The following MAP2K4 variants were observed in gnomAD, a reference collection of about 807,000 sequenced individuals.
MAP2K4 encodes the protein dual specificity mitogen-activated protein kinase kinase 4.
MAP2K4 carries 4 observed loss-of-function variants against 48.5 expected under a neutral mutation model. The ratio of observed to expected loss-of-function variants is 0.08; its 90% confidence interval spans 0.04 to 0.19. MAP2K4 has a LOEUF of 0.19. Among genes scored for constraint, MAP2K4 ranks in the 10% least tolerant of loss-of-function variants. MAP2K4 has a pLI of 1.00. For missense variants in MAP2K4, 258 were observed against 493.3 expected (o/e 0.52, Z 4.52); for synonymous variants, 166 against 173.1 (o/e 0.96, Z 0.32).
intron 3 of MAP2K4, among the ~76,000 whole-genome samples, chr17:12,084,350 A>G (rs889939242): frequency 2.0e-5 from 3 of 152,190 alleles, no homozygotes; most frequent in South Asian, 4.1e-4. Flanking sequence ...AGATGTGAAC[A>G]TGGTTTACCC....
intron 3 of MAP2K4, among the ~76,000 whole-genome samples, chr17:12,085,289 C>G (rs1176361617): frequency 6.6e-6 from 1 of 152,052 alleles, no homozygotes; most frequent in Non-Finnish European, 1.5e-5. Context: ...AGGGTTAATA[C>G]TGTAATAAAG....
chr17:12,058,543 A>G (rs1035948020), intron 2 of MAP2K4, among the ~76,000 whole-genome samples: 1 of 151,906 alleles, frequency 6.6e-6, no homozygotes, highest in Non-Finnish European at 1.5e-5. Flanking sequence ...TTATTTTTAA[A>G]CCTTTTATTA....
At chr17:12,035,508 C>T (rs1272476913) in intron 1 of MAP2K4, among the ~76,000 whole-genome samples, 1 of 152,126 alleles carries the variant, frequency 6.6e-6, no homozygotes, top group Non-Finnish European at 1.5e-5. Flanking sequence ...AAGAACAAAA[C>T]TCCGTCTCAA....
rs561667728 is a variant in MAP2K4, at chr17:12,048,760, G to A, written c.116-6129G>A. Among the ~76,000 whole-genome samples, 5 of 152,172 alleles carry A rather than the reference G, an allele frequency of 3.3e-5. No individual in the cohort carries two copies. The East Asian group carries it at 7.7e-4, about 24-fold the overall frequency. ...AAACCTATACCTCCTGGGTTCAAGC[G>A]ATTCCATTGCCTCAGCCTCCCGAGT... On this transcript the variant is annotated intron_variant, in intron 1 of 10. Transcript: ENST00000353533.
chr17:12,073,575 G>A (rs1184739012), intron 2 of MAP2K4, among the ~76,000 whole-genome samples: 1 of 152,124 alleles, frequency 6.6e-6, no homozygotes, highest in Non-Finnish European at 1.5e-5. Context: ...GTAGAGTGCA[G>A]CCCAAGGATA....
At chr17:12,110,780 C>G in intron 6 of MAP2K4, 1 of 196,718 alleles carries the variant, frequency 5.1e-6, no homozygotes, top group Non-Finnish European at 1.0e-5. Context: ...AGGGATAGTA[C>G]CCTCAAGCAT....
At chr17:12,131,094 C>T (rs1298543429) in intron 9 of MAP2K4, among the ~76,000 whole-genome samples, 1 of 152,022 alleles carries the variant, frequency 6.6e-6, no homozygotes, top group African/African-American at 2.4e-5. Flanking sequence ...ATTTAAATTT[C>T]ATGATGGGGA....
chr17:12,130,521 A>C (rs1026522490), intron 9 of MAP2K4, among the ~76,000 whole-genome samples: 2 of 152,174 alleles, frequency 1.3e-5, no homozygotes, highest in African/African-American at 4.8e-5. Context: ...TGAACCTTCC[A>C]TCAGGGTTTC....
intron 2 of MAP2K4, among the ~76,000 whole-genome samples, chr17:12,071,001 T>C (rs1374203993): frequency 1.3e-5 from 2 of 152,234 alleles, no homozygotes; most frequent in African/African-American, 4.8e-5. Flanking sequence ...CCCCTTTCTT[T>C]CAGCTTCTGG....
chr17:12,021,466 C>T (rs1969049866), intron 1 of MAP2K4: 1 of 152,018 alleles, frequency 6.6e-6, no homozygotes, highest in Non-Finnish European at 1.5e-5. Context: ...GCCCCTCGGC[C>T]CCGCCGCCGC....
rs1432379329 is a variant in MAP2K4 at position 12,142,503 on chromosome 17, T to A, written c.*1243T>A. On this transcript the variant is annotated 3_prime_UTR_variant, in exon 11 of 11. Coordinates refer to ENST00000353533, the MANE Select transcript of MAP2K4 (RefSeq NM_003010.4). ...GATTTTTAGCCCCAAATCTCTCATATTCGCTAGTGTTTAAAAGGCTAAGAA... is the reference window on the plus strand; with the variant it reads ...GATTTTTAGCCCCAAATCTCTCATAATCGCTAGTGTTTAAAAGGCTAAGAA... The A allele has an allele frequency of 4.3e-6, 1 of 233,046 alleles. No homozygotes were observed. Among genetic ancestry groups the A allele is most frequent in the Non-Finnish European group, 8.5e-6 (1 of 117,898 alleles). The allele number at this position is 233,046 out of a possible 1,614,324, so 14.4% of individuals were successfully genotyped here. A position where few individuals can be genotyped will look rare whatever the true frequency, so the allele number is the denominator to read the frequency against.
chr17:12,060,589 T>G (rs896353598), intron 2 of MAP2K4, among the ~76,000 whole-genome samples: 2 of 152,318 alleles, frequency 1.3e-5, no homozygotes, highest in Admixed American at 6.5e-5. Flanking sequence ...TCTCTGAAAT[T>G]TTTTGAAGCA....
chr17:12,081,610 G>T lies in MAP2K4; in HGVS notation c.393+80G>T. On this transcript the variant is annotated intron_variant, in intron 3 of 10. Coordinates refer to ENST00000353533, the MANE Select transcript of MAP2K4 (RefSeq NM_003010.4). The surrounding 1 kb of genome is among the most constrained non-coding windows in gnomAD (Gnocchi z 4.2). ...GGTGCAGTAATACCACTGTTGTTGT[G>T]TTCCTACTTTTGTGGTAAATGTGGG... 4.3e-6 allele frequency: 6 copies of T among 1,408,142 alleles called. No homozygotes were observed. Among genetic ancestry groups the T allele is most frequent in the Non-Finnish European group, 5.9e-6 (6 of 1,021,696 alleles). 87.2% of individuals were successfully genotyped at this position (1,408,142 alleles called of 1,614,324 possible).
At chr17:12,065,258 ATATTATTAT>A (rs147921985) in intron 2 of MAP2K4, among the ~76,000 whole-genome samples, 12 of 136,214 alleles carry the variant, frequency 8.8e-5, no homozygotes, top group African/African-American at 1.4e-4. Context: ...ATATATACAT[ATATTATTAT>A]TATTATTATT....
intron 2 of MAP2K4, among the ~76,000 whole-genome samples, chr17:12,058,350 G>C (rs912991528): frequency 6.6e-6 from 1 of 151,658 alleles, no homozygotes; most frequent in Non-Finnish European, 1.5e-5. Context: ...CAGGCATGAG[G>C]TACTGCGCCT....
chr17:12,065,258 A>ATATTATTATTATTAT (rs147921985), intron 2 of MAP2K4, among the ~76,000 whole-genome samples: 1,883 of 136,176 alleles, frequency 0.014, 18 homozygotes, highest in East Asian at 0.037. Context: ...ATATATACAT[A>ATATTATTATTATTAT]TATTATTATT....
chr17:12,027,707 C>T (rs1178060117), intron 1 of MAP2K4, among the ~76,000 whole-genome samples: 2 of 152,114 alleles, frequency 1.3e-5, no homozygotes, highest in African/African-American at 4.8e-5. Flanking sequence ...ATGTGCCTGT[C>T]ATGGGGAAGC....
At chr17:12,117,631 A>C (rs1972547472) in intron 7 of MAP2K4, among the ~76,000 whole-genome samples, 1 of 151,898 alleles carries the variant, frequency 6.6e-6, no homozygotes, top group Admixed American at 6.6e-5. Flanking sequence ...TTTTTTGCTC[A>C]GTAGCTTAAA....
intron 4 of MAP2K4, among the ~76,000 whole-genome samples, chr17:12,106,190 C>A (rs897290539): frequency 6.6e-6 from 1 of 151,972 alleles, no homozygotes; most frequent in Non-Finnish European, 1.5e-5. Context: ...AGTAAATGTG[C>A]TGTATGTCTC....
Sources: gnomAD v4.1 joint callset for allele counts (sites outside exome capture counted in the v4.1 genomes callset) on GRCh38, gnomAD v4.1.1 for gene constraint, Gnocchi (gnomAD v3.1) non-coding constraint, MANE v1.5 for transcripts, NCBI Gene and HGNC (gene_info 2026-07-23, HGNC 2026-07-21) for gene names.